The following SEC24B variants were observed in gnomAD, a reference collection of about 807,000 sequenced individuals.
SEC24B encodes SEC24 homolog B, COPII component, also known as protein transport protein Sec24B.
Under a neutral mutation model 142.8 loss-of-function variants are expected in SEC24B, and 45 were observed. The observed-to-expected ratio is 0.32, with a 90% CI of 0.25 to 0.40. The LOEUF is 0.40. SEC24B is among the 10% of genes least tolerant of loss of function. SEC24B has a pLI of 1.00. For missense variants in SEC24B, 1,409 were observed against 1,526.8 expected (o/e 0.92, Z 1.29); for synonymous variants, 574 against 568.2 (o/e 1.01, Z -0.15).
intron 4 of SEC24B, among the ~76,000 whole-genome samples, chr4:109,488,136 A>G (rs958874830): frequency 1.3e-5 from 2 of 152,128 alleles, no homozygotes; most frequent in Admixed American, 1.3e-4. Flanking sequence ...CATAAAATTC[A>G]CCTATTTAAG....
chr4:109,499,304 G>T (rs1391343673), intron 6 of SEC24B, among the ~76,000 whole-genome samples: 1 of 152,112 alleles, frequency 6.6e-6, no homozygotes, highest in Non-Finnish European at 1.5e-5. Context: ...TCATCATTTT[G>T]GGACTTGTAT....
At position 109,512,001 on chromosome 4, in the gene SEC24B, C is replaced by T; in HGVS notation, c.1821C>T (p.Ser607=). The change falls in exon 9 of 24, where the codon TCC becomes TCT. Residue 607 remains serine (S), a synonymous_variant. Transcript: ENST00000265175. ...ITSNTIVRCR[S]CRTYINPFVS... Reference sequence around the variant, plus strand: ...CAAATACCATTGTGAGGTGCCGATCCTGTCGAACGTATATTAACCCCTTTG... The same window carrying T: ...CAAATACCATTGTGAGGTGCCGATCTTGTCGAACGTATATTAACCCCTTTG... The T allele has an allele frequency of 1.2e-6, 2 of 1,613,564 alleles. No individual in the cohort carries two copies. The highest frequency in any genetic ancestry group is 1.7e-6 in the Non-Finnish European group (2 of 1,179,548).
chr4:109,529,170 G>A (rs1380794550), intron 18 of SEC24B, among the ~76,000 whole-genome samples: 2 of 151,672 alleles, frequency 1.3e-5, no homozygotes, highest in African/African-American at 2.4e-5. Flanking sequence ...CTCGGGGGTG[G>A]GGGGAAAAAG....
chr4:109,520,234 G>A (rs1168372852), intron 11 of SEC24B, 132 bp from the exon 12 acceptor site: 13 of 610,242 alleles, frequency 2.1e-5, no homozygotes, highest in Non-Finnish European at 3.5e-5. Flanking sequence ...TTTAGATAGG[G>A]ATAATTTTTC....
chr4:109,525,223 T>C, intron 15 of SEC24B, 123 bp from the exon 16 acceptor site: 2 of 829,798 alleles, frequency 2.4e-6, no homozygotes, highest in Non-Finnish European at 3.5e-6. Context: ...TGTATGTTCT[T>C]ATTTTGATGG....
chr4:109,526,304 A>G lies in SEC24B; in HGVS notation c.2870A>G (p.Asp957Gly), dbSNP rs562628092. 1.2e-6 allele frequency: 2 copies of G among 1,613,972 alleles called. No homozygotes were observed. The highest frequency in any genetic ancestry group is 1.7e-5 in the Admixed American group (1 of 60,024). Residue 957 changes from aspartate (D) to glycine (G), a missense_variant, in exon 17 of 24, where the codon GAT (aspartate) becomes GGT (glycine). By Grantham distance (94) the Asp-to-Gly change is moderately conservative (BLOSUM62 -1). Coordinates refer to ENST00000265175, the MANE Select transcript of SEC24B (RefSeq NM_006323.5). ...TTATCCCTTGCCAACATCAATCCTG[A>G]TGCTGGATTTGCGGTGCAGTTGTCA... is the stretch of plus-strand genomic sequence containing the variant. ...DLLSLANINP[D>G]AGFAVQLSIE...
intron 4 of SEC24B, among the ~76,000 whole-genome samples, chr4:109,483,015 ATGT>A (rs1166866124): frequency 3.3e-5 from 3 of 92,298 alleles, no homozygotes; most frequent in African/African-American, 1.6e-4. Flanking sequence ...TATTATACAT[ATGT>A]TTTTTATATA....
At chr4:109,488,231 A>G (rs1208546990) in intron 4 of SEC24B, among the ~76,000 whole-genome samples, 5 of 152,120 alleles carry the variant, frequency 3.3e-5, no homozygotes, top group African/African-American at 9.7e-5. Flanking sequence ...TTCACCCCAA[A>G]ATAGAAACTT....
intron 3 of SEC24B, 96 bp from the exon 4 acceptor site, chr4:109,481,581 G>C: frequency 1.3e-6 from 1 of 759,192 alleles, no homozygotes; most frequent in Non-Finnish European, 2.2e-6. Flanking sequence ...TCTTTGGAAT[G>C]TCAGAGTTCT....
chr4:109,481,053 A>T (rs894148061), intron 3 of SEC24B, among the ~76,000 whole-genome samples: 1 of 152,102 alleles, frequency 6.6e-6, no homozygotes, highest in Non-Finnish European at 1.5e-5. Flanking sequence ...TGTCTCAGAA[A>T]ATTCAGTTTT....
chr4:109,473,454 C>T (rs942980376), intron 3 of SEC24B, among the ~76,000 whole-genome samples: 7 of 151,746 alleles, frequency 4.6e-5, no homozygotes, highest in Admixed American at 1.3e-4. Context: ...TATTTCATTC[C>T]TCTGTCATGG....
intron 6 of SEC24B, among the ~76,000 whole-genome samples, chr4:109,504,064 G>T (rs1736445930): frequency 6.6e-6 from 1 of 151,898 alleles, no homozygotes; most frequent in Non-Finnish European, 1.5e-5. Context: ...TTATTATCCA[G>T]TCATTTTTTT....
chr4:109,497,638 G>A (rs1735670858), intron 6 of SEC24B, among the ~76,000 whole-genome samples: 1 of 151,444 alleles, frequency 6.6e-6, no homozygotes, highest in African/African-American at 2.4e-5. Context: ...CTTATTGTGT[G>A]ATTGTAATTC....
chr4:109,468,550 A>G (rs938761655), intron 2 of SEC24B, among the ~76,000 whole-genome samples: 1 of 152,230 alleles, frequency 6.6e-6, no homozygotes, highest in African/African-American at 2.4e-5. Flanking sequence ...GTTTATAAGC[A>G]AGGTGTTGGC....
At chr4:109,474,317 G>A (rs1025479078) in intron 3 of SEC24B, among the ~76,000 whole-genome samples, 1 of 152,086 alleles carries the variant, frequency 6.6e-6, no homozygotes. Context: ...CTAAATGAAT[G>A]GTGTCTTTTC....
chr4:109,528,388 G>A (rs555552270), intron 18 of SEC24B, among the ~76,000 whole-genome samples: 25 of 148,084 alleles, frequency 1.7e-4, no homozygotes, highest in African/African-American at 5.0e-4. Context: ...CCGAGGTCTC[G>A]CCACTGTACT....
intron 6 of SEC24B, among the ~76,000 whole-genome samples, chr4:109,500,244 C>T (rs1208053217): frequency 6.6e-6 from 1 of 152,012 alleles, no homozygotes; most frequent in Non-Finnish European, 1.5e-5. Flanking sequence ...GCGGTTCTTG[C>T]CATTGAAAGT....
At position 109,472,431 on chromosome 4, in the gene SEC24B, C is replaced by T. The variant is rs1308102690; in HGVS notation, c.878-573C>T. ...GCACTTTATTCCAGAAGTTCAACCT[C>T]GTATTATGGTTAGGCTCTTACTTAG... On this transcript the variant is annotated intron_variant, in intron 2 of 23. Coordinates refer to ENST00000265175, the MANE Select transcript of SEC24B (RefSeq NM_006323.5). Among the ~76,000 whole-genome samples the T allele has an allele frequency of 5.9e-5, 9 of 152,118 alleles. No individual in the cohort carries two copies. The East Asian group carries it at 1.3e-3, about 23-fold the overall frequency.
At chr4:109,512,781 C>A (rs1296741867) in intron 9 of SEC24B, among the ~76,000 whole-genome samples, 1 of 151,534 alleles carries the variant, frequency 6.6e-6, no homozygotes, top group African/African-American at 2.4e-5. Context: ...CATGCCTCAG[C>A]CTCCCAAGTA....
Sources: allele counts gnomAD v4.1 joint callset (sites outside exome capture counted in the v4.1 genomes callset), GRCh38; gene constraint gnomAD v4.1.1; transcripts MANE v1.5; gene names NCBI Gene and HGNC (gene_info 2026-07-23, HGNC 2026-07-21).